Variants in RASAL2 observed in about 807,000 individuals in gnomAD.
RASAL2 encodes the protein ras GTPase-activating protein nGAP.
Under a neutral mutation model 128.9 loss-of-function variants are expected in RASAL2, and 58 were observed. That is an observed-to-expected ratio of 0.45 (90% CI 0.36 to 0.56). The LOEUF (loss-of-function observed/expected upper bound fraction) is 0.56, where lower values mean the gene tolerates loss of function less well. Among genes scored for constraint, RASAL2 ranks in the 20% least tolerant of loss-of-function variants. RASAL2 has a pLI of 0.00. For synonymous variants in RASAL2, 561 were observed against 580.8 expected (o/e 0.97, Z 0.49); for missense variants, 1,360 against 1,601.6 (o/e 0.85, Z 2.57).
At chr1:178,374,848 C>T (rs140025759) in intron 3 of RASAL2, among the ~76,000 whole-genome samples, 2,075 of 152,164 alleles carry the variant, frequency 0.014, 28 homozygotes, top group Admixed American at 0.04. Flanking sequence ...AAACTCTGCC[C>T]TTGTTTCAAA....
At chr1:178,243,961 A>T (rs1664645691) in intron 1 of RASAL2, among the ~76,000 whole-genome samples, 1 of 152,132 alleles carries the variant, frequency 6.6e-6, no homozygotes, top group South Asian at 2.1e-4. Flanking sequence ...ATCCATGTCA[A>T]ATATCTGCAG....
At chr1:178,095,803 A>G (rs547317104) in intron 1 of RASAL2, among the ~76,000 whole-genome samples, 2 of 152,320 alleles carry the variant, frequency 1.3e-5, no homozygotes, top group South Asian at 4.1e-4. Context: ...TTCTTGTCTC[A>G]GTTCTACCAC....
rs180768116 is a variant in RASAL2, at chr1:178,137,297, G to T, written c.202+42603G>T. 1.7e-3 allele frequency among the ~76,000 whole-genome samples: 259 copies of T among 152,258 alleles called. 3 individuals are homozygous for T. The highest frequency in any genetic ancestry group is 0.015 in the Admixed American group (234 of 15,302). On this transcript the variant is annotated intron_variant, in intron 1 of 17. Transcript: ENST00000367649. ...CTCAGTAAGAAACTTAAAAATAACT[G>T]CAGGGTCTGAGACAGAACTTTCCCT...
chr1:178,236,827 G>A (rs1010172781), intron 1 of RASAL2, among the ~76,000 whole-genome samples: 4 of 145,868 alleles, frequency 2.7e-5, no homozygotes, highest in East Asian at 4.0e-4. Flanking sequence ...CCAGTGGTGC[G>A]ATCTCGGCTC....
chr1:178,199,985 C>G (rs1350077396), intron 1 of RASAL2, among the ~76,000 whole-genome samples: 1 of 152,208 alleles, frequency 6.6e-6, no homozygotes. Flanking sequence ...GCTTCCTGCC[C>G]TGAACATCGG....
In RASAL2 at chr1:178,457,942, G is replaced by A. The variant is rs751514405; in HGVS notation, c.2650G>A (p.Val884Met). Reference protein sequence around the residue: ...LTGSQLSITQVASIKQLRETQ... With the variant: ...LTGSQLSITQMASIKQLRETQ... ...CGGAAGCCAGCTTTCCATAACCCAGGTGGCCAGCATCAAACAGCTGCGGGA... is the reference window on the plus strand; with the variant it reads ...CGGAAGCCAGCTTTCCATAACCCAGATGGCCAGCATCAAACAGCTGCGGGA... The change falls in exon 14 of 18, where the codon GTG becomes ATG. Residue 884 changes from valine (V) to methionine (M), a missense_variant. Val to Met is a conservative substitution (Grantham distance 21). Transcript: ENST00000367649. The A allele has an allele frequency of 1.9e-6, 3 of 1,614,084 alleles. No homozygotes were observed. Among genetic ancestry groups the A allele is most frequent in the South Asian group, 2.2e-5 (2 of 91,080 alleles).
At chr1:178,286,820 TAGAG>T (rs1409362353) in intron 2 of RASAL2, among the ~76,000 whole-genome samples, 1 of 151,858 alleles carries the variant, frequency 6.6e-6, no homozygotes. Flanking sequence ...CTGATATCCA[TAGAG>T]AGATTTTTCT....
intron 3 of RASAL2, among the ~76,000 whole-genome samples, chr1:178,359,898 G>T (rs1380941307): frequency 6.6e-6 from 1 of 152,118 alleles, no homozygotes; most frequent in Non-Finnish European, 1.5e-5. Context: ...AAAAAAAATT[G>T]TGTTTGCAAT....
At chr1:178,419,740 T>C (rs1675019309) in intron 4 of RASAL2, among the ~76,000 whole-genome samples, 1 of 152,154 alleles carries the variant, frequency 6.6e-6, no homozygotes, top group Admixed American at 6.5e-5. Flanking sequence ...AGGTGCAGAG[T>C]CGAGGAGGAT....
At chr1:178,341,468 G>C in intron 3 of RASAL2, 1 of 1,524,908 alleles carries the variant, frequency 6.6e-7, no homozygotes, top group Admixed American at 2.1e-5. Context: ...ACTGTCTGAG[G>C]CACGAAATGA....
At chr1:178,431,107 C>A (rs1006829582) in intron 5 of RASAL2, among the ~76,000 whole-genome samples, 1 of 151,916 alleles carries the variant, frequency 6.6e-6, no homozygotes. Flanking sequence ...AACTTAAAAG[C>A]ACTAAAAGAA....
chr1:178,457,745 C>T lies in RASAL2; in HGVS notation c.2453C>T (p.Thr818Ile). Residue 818 changes from threonine to isoleucine, a missense_variant, in exon 14 of 18, where the codon ACA (threonine) becomes ATA (isoleucine). This residue lies in a region of RASAL2 where 741 missense variants were observed against 868.6 expected (regional missense o/e 0.85). Coordinates refer to ENST00000367649, the MANE Select transcript of RASAL2 (RefSeq NM_170692.4). ...DNTDSYFRGK[T>I]LLLVQQASSQ... is the part of the protein sequence containing the mutation. ...ACAGACAGCTACTTCAGAGGGAAAA[C>T]ATTATTGCTGGTTCAGCAAGCCTCC... 5 of 1,614,158 alleles carry T rather than the reference C, an allele frequency of 3.1e-6. No homozygotes were observed. The highest frequency in any genetic ancestry group is 4.2e-6 in the Non-Finnish European group (5 of 1,180,010).
intron 1 of RASAL2, among the ~76,000 whole-genome samples, chr1:178,163,837 G>A (rs560670964): frequency 2.0e-5 from 3 of 152,010 alleles, no homozygotes; most frequent in East Asian, 3.9e-4. Flanking sequence ...TAGAGATTTT[G>A]TTTAATTTGT....
chr1:178,322,878 C>T (rs922375075), intron 3 of RASAL2, among the ~76,000 whole-genome samples: 7 of 152,112 alleles, frequency 4.6e-5, no homozygotes, highest in African/African-American at 1.7e-4. Flanking sequence ...TCTTTTTACC[C>T]ACCACAGGTA....
At chr1:178,375,009 T>C (rs1272559113) in intron 3 of RASAL2, among the ~76,000 whole-genome samples, 1 of 152,092 alleles carries the variant, frequency 6.6e-6, no homozygotes, top group Non-Finnish European at 1.5e-5. Context: ...AAAAATTAAA[T>C]GGTAATTCAG....
At chr1:178,447,619 C>T (rs1194099267) in intron 9 of RASAL2, among the ~76,000 whole-genome samples, 1 of 128,114 alleles carries the variant, frequency 7.8e-6, no homozygotes, top group East Asian at 2.5e-4. Context: ...TGCGGTAAGC[C>T]AAGATTATAC....
At chr1:178,159,928 A>C (rs374407415) in intron 1 of RASAL2, among the ~76,000 whole-genome samples, 34 of 152,264 alleles carry the variant, frequency 2.2e-4, no homozygotes, top group East Asian at 1.4e-3. Context: ...AACAAACAAA[A>C]AAAACTACTG....
At chr1:178,388,474 G>A (rs1672711194) in intron 3 of RASAL2, among the ~76,000 whole-genome samples, 1 of 152,168 alleles carries the variant, frequency 6.6e-6, no homozygotes, top group Non-Finnish European at 1.5e-5. Context: ...GAGAAGTTAA[G>A]GGACTTACAG....
At chr1:178,283,000 A>T (rs1467740596) in intron 1 of RASAL2, among the ~76,000 whole-genome samples, 1 of 152,200 alleles carries the variant, frequency 6.6e-6, no homozygotes, top group Non-Finnish European at 1.5e-5. Flanking sequence ...TCATGGTAAT[A>T]TATTTAGATA....
Sources: allele counts gnomAD v4.1 joint callset (sites outside exome capture counted in the v4.1 genomes callset), GRCh38; gene constraint gnomAD v4.1.1; regional missense constraint gnomAD v4.1.1; transcripts MANE v1.5; gene names NCBI Gene and HGNC (gene_info 2026-07-23, HGNC 2026-07-21).